The following TEX15 variants were observed in gnomAD, a reference collection of about 807,000 sequenced individuals.
The protein encoded by TEX15 is testis expressed 15, meiosis and synapsis associated.
A neutral mutation model predicts 237.3 loss-of-function variants in TEX15; 171 were observed. That is an observed-to-expected ratio of 0.72 (90% CI 0.64 to 0.82). The LOEUF (loss-of-function observed/expected upper bound fraction) is 0.82, where lower values mean the gene tolerates loss of function less well. TEX15 is among the 40% of genes least tolerant of loss of function. The probability of loss-of-function intolerance (pLI) is 0.00; values close to 1 mark genes in which losing one functional copy is unlikely to be tolerated. For synonymous variants in TEX15, 1,338 were observed against 1,269.8 expected (o/e 1.05, Z -1.14); for missense variants, 3,750 against 3,646.5 (o/e 1.03, Z -0.73).
chr8:30,887,948 CAT>C lies in TEX15; in HGVS notation c.-9-639_-9-638del, dbSNP rs1191533381. ...TATATATGAATTTTTGTTTCTAATGCATTTTTTCCTCGTAATTCATGTAACTG... is the reference window on the plus strand; with the variant it reads ...TATATATGAATTTTTGTTTCTAATGCTTTTTCCTCGTAATTCATGTAACTG... On this transcript the variant is annotated intron_variant, in intron 2 of 10. Coordinates refer to ENST00000643185, the MANE Select transcript of TEX15 (RefSeq NM_001350162.2). Among the ~76,000 whole-genome samples the C allele has an allele frequency of 2.6e-5, 3 of 114,704 alleles. No individual in the cohort carries two copies. In the Admixed American group the frequency reaches 2.8e-4, roughly 11 times the overall value. The allele number at this position is 114,704 out of a possible 152,430, so 75.3% of individuals were successfully genotyped here.
At chr8:30,852,478 T>C (rs1183739498) in intron 7 of TEX15, among the ~76,000 whole-genome samples, 1 of 152,198 alleles carries the variant, frequency 6.6e-6, no homozygotes, top group African/African-American at 2.4e-5. Context: ...CACAGTTTAT[T>C]AACAGTAGAA....
chr8:30,911,460 T>C (rs1033154059), intron 1 of TEX15, among the ~76,000 whole-genome samples: 1 of 152,278 alleles, frequency 6.6e-6, no homozygotes, highest in East Asian at 1.9e-4. Context: ...CCAAAGCTTG[T>C]ATCACTTCTC....
intron 8 of TEX15, among the ~76,000 whole-genome samples, chr8:30,841,426 G>C (rs1297441440): frequency 6.6e-6 from 1 of 152,128 alleles, no homozygotes; most frequent in Non-Finnish European, 1.5e-5. Context: ...CTTGAAGTAA[G>C]ATAATAGGAA....
In TEX15 at chr8:30,845,875, C is replaced by T. The variant is rs1807590999; in HGVS notation, c.4292G>A (p.Gly1431Asp). The T allele has an allele frequency of 2.5e-6, 4 of 1,612,968 alleles. No homozygotes were observed. The highest frequency in any genetic ancestry group is 1.1e-5 in the South Asian group (1 of 90,952). The change falls in exon 8 of 11, where the codon GGT becomes GAT. Residue 1431 changes from glycine to aspartate, a missense_variant. Physicochemically the swap from Gly to Asp is moderately conservative, Grantham distance 94. Coordinates refer to ENST00000643185, the MANE Select transcript of TEX15 (RefSeq NM_001350162.2). ...TTTTCTTTGAGACACAGAACTATAA[C>T]CTTGAAGGTCACAACTTTCCCAGAA... ...NNFWESCDLQ[G>D]YSSVSQRKYY...
At chr8:30,876,471 C>T (rs940714473) in intron 3 of TEX15, among the ~76,000 whole-genome samples, 2 of 152,062 alleles carry the variant, frequency 1.3e-5, no homozygotes, top group Admixed American at 6.6e-5. Context: ...TTAGCCATAA[C>T]GAAATCTCAT....
At position 30,875,036 on chromosome 8, in the gene TEX15, C is replaced by A; in HGVS notation, c.203G>T (p.Cys68Phe). ...CAGATCACAGTTTACATCAAGCCTG[C>A]ACTGGTTAAGAGTATCATGTATAAA... ...YSFIHDTLNQ[C>F]RLDVNCDLQS... The change falls in exon 4 of 11, where the codon TGC becomes TTC. Residue 68 changes from cysteine (C) to phenylalanine (F), a missense_variant. By Grantham distance (205) the Cys-to-Phe change is radical (BLOSUM62 -2). Transcript: ENST00000643185. 1 of 1,370,512 alleles carries A rather than the reference C, an allele frequency of 7.3e-7. No homozygotes were observed. The highest frequency in any genetic ancestry group is 9.4e-7 in the Non-Finnish European group (1 of 1,059,496). 84.9% of individuals were successfully genotyped at this position (1,370,512 alleles called of 1,614,324 possible). A position where few individuals can be genotyped will look rare whatever the true frequency, so the allele number is the denominator to read the frequency against.
chr8:30,849,852 T>C (rs1807734669), intron 7 of TEX15, among the ~76,000 whole-genome samples: 1 of 151,398 alleles, frequency 6.6e-6, no homozygotes, highest in African/African-American at 2.4e-5. Context: ...CGAGCCGAGA[T>C]TGCGCCACTG....
rs1250796757 is a variant in TEX15, at chr8:30,842,526, T to C, written c.7641A>G (p.Glu2547=). ...AIHLLSRELQ[E]LSEIKKLLKK... is the part of the protein sequence containing the mutation. ...TCAGAAGCTTTTTTATTTCTGAAAGTTCTTGAAGTTCTCTTGAGAGCAAAT... is the reference window on the plus strand; with the variant it reads ...TCAGAAGCTTTTTTATTTCTGAAAGCTCTTGAAGTTCTCTTGAGAGCAAAT... The change falls in exon 8 of 11, where the codon GAA becomes GAG. Residue 2547 remains glutamate, a synonymous_variant. Transcript: ENST00000643185. 5.0e-6 allele frequency: 8 copies of C among 1,611,224 alleles called. No individual in the cohort carries two copies. Among genetic ancestry groups the C allele is most frequent in the African/African-American group, 1.3e-5 (1 of 74,818 alleles).
intron 7 of TEX15, among the ~76,000 whole-genome samples, 193 bp downstream of exon 7, chr8:30,858,475 C>A (rs1807962014): frequency 6.6e-6 from 1 of 152,050 alleles, no homozygotes; most frequent in African/African-American, 2.4e-5. Context: ...CCACACCTGG[C>A]TAACTTTTGT....
At position 30,842,177 on chromosome 8, in the gene TEX15, G is replaced by A; in HGVS notation, c.7990C>T (p.Pro2664Ser). The change falls in exon 8 of 11, where the codon CCT (proline) becomes TCT (serine). Residue 2664 changes from proline to serine, a missense_variant. Pro to Ser is a moderately conservative substitution (Grantham distance 74). Coordinates refer to ENST00000643185, the MANE Select transcript of TEX15 (RefSeq NM_001350162.2). ...CTAAATTTATTGTTATTTTCCCCAG[G>A]TTTTACAATATGAATATTCATTTTT... ...KEKMNIHIVK[P>S]GENNNKFSIS... 6.2e-7 allele frequency: 1 copy of A among 1,612,454 alleles called. No homozygotes were observed.
chr8:30,879,877 G>C (rs1365898081), intron 3 of TEX15, among the ~76,000 whole-genome samples: 2 of 151,144 alleles, frequency 1.3e-5, no homozygotes, highest in Non-Finnish European at 1.5e-5. Flanking sequence ...TCATTATGTT[G>C]AGTCTTTTAA....
At position 30,842,460 on chromosome 8, in the gene TEX15, C is replaced by T. The variant is rs762706741; in HGVS notation, c.7707G>A (p.Val2569=). ...CATAATTTATGGATGCTATATATGG[C>T]ACAAAGTCAATATATGTGGAAATAA... ...KYFISTYIDF[V]PYIASINYGS... The change falls in exon 8 of 11, where the codon GTG becomes GTA. Residue 2569 remains valine (V), a synonymous_variant. Coordinates refer to ENST00000643185, the MANE Select transcript of TEX15 (RefSeq NM_001350162.2). The T allele has an allele frequency of 8.1e-6, 13 of 1,613,300 alleles. No individual in the cohort carries two copies. Among genetic ancestry groups the T allele is most frequent in the Non-Finnish European group, 1.1e-5 (13 of 1,179,698 alleles).
chr8:30,858,563 G>T, intron 7 of TEX15, 105 bp downstream of exon 7: 1 of 998,470 alleles, frequency 1.0e-6, no homozygotes, highest in Non-Finnish European at 1.4e-6. Flanking sequence ...CTCCCAAAGT[G>T]CTAGGATTAC....
chr8:30,838,676 T>C (rs1228530571), intron 9 of TEX15, among the ~76,000 whole-genome samples: 1 of 145,524 alleles, frequency 6.9e-6, no homozygotes, highest in African/African-American at 2.5e-5. Flanking sequence ...TTAATATAGG[T>C]CCCTGAGGTA....
chr8:30,882,598 A>T (rs1808554434), intron 3 of TEX15, among the ~76,000 whole-genome samples: 1 of 151,756 alleles, frequency 6.6e-6, no homozygotes, highest in Non-Finnish European at 1.5e-5. Context: ...AATTCCTTTA[A>T]CTATGTTGAC....
rs2128767130 is a variant in TEX15, at chr8:30,842,433, T to A, written c.7734A>T (p.Gly2578=). 6.2e-7 allele frequency: 1 copy of A among 1,613,648 alleles called. No homozygotes were observed. Among genetic ancestry groups the A allele is most frequent in the South Asian group, 1.1e-5 (1 of 91,000 alleles). The change falls in exon 8 of 11, where the codon GGA becomes GGT. Residue 2578 remains glycine, a synonymous_variant. Transcript: ENST00000643185. The part of the protein sequence containing the change: ...FVPYIASINY[G]STVTELEYNY... ...TGTATTCTAACTCTGTCACAGTGCT[T>A]CCATAATTTATGGATGCTATATATG...
At position 30,837,742 on chromosome 8, in the gene TEX15, C is replaced by T. The variant is rs1268699784; in HGVS notation, c.8542G>A (p.Val2848Ile). The change falls in exon 10 of 11, where the codon GTA becomes ATA. Residue 2848 changes from valine (V) to isoleucine (I), a missense_variant. Transcript: ENST00000643185. Reference protein sequence around the residue: ...AAFAICDQKSVHGTFSPDHGT... With the variant: ...AAFAICDQKSIHGTFSPDHGT... The stretch of plus-strand genomic sequence containing the variant: ...TGGTCTGGTGAAAATGTGCCATGTA[C>T]ACTTTTTTGGTCACAAATTGCAAAA... The T allele has an allele frequency of 5.0e-6, 8 of 1,614,000 alleles. No homozygotes were observed. The highest frequency in any genetic ancestry group is 6.8e-6 in the Non-Finnish European group (8 of 1,180,006).
intron 8 of TEX15, 130 bp from the exon 9 acceptor site, chr8:30,840,094 T>A (rs530064543): frequency 1.4e-4 from 66 of 481,596 alleles, no homozygotes; most frequent in African/African-American, 1.2e-3. Context: ...TAATTAATTA[T>A]CACCTCCCTG....
intron 4 of TEX15, among the ~76,000 whole-genome samples, chr8:30,873,349 G>A (rs1808333191): frequency 6.6e-6 from 1 of 152,120 alleles, no homozygotes; most frequent in South Asian, 2.1e-4. Context: ...GCCACAAAGT[G>A]ATTCTTTTTT....
Sources: gnomAD v4.1 joint callset for allele counts (sites outside exome capture counted in the v4.1 genomes callset) on GRCh38, gnomAD v4.1.1 for gene constraint, MANE v1.5 for transcripts, NCBI Gene and HGNC (gene_info 2026-07-23, HGNC 2026-07-21) for gene names.